The following KCND2 variants were observed in gnomAD, a reference collection of about 807,000 sequenced individuals.
KCND2 encodes the protein potassium voltage-gated channel subfamily D member 2.
KCND2 carries 16 observed loss-of-function variants against 54.4 expected under a neutral mutation model. The ratio of observed to expected loss-of-function variants is 0.29; its 90% CI spans 0.20 to 0.45. The LOEUF (loss-of-function observed/expected upper bound fraction) is 0.45, where lower values mean the gene tolerates loss of function less well. KCND2 is among the 20% of genes least tolerant of loss of function. The probability of loss-of-function intolerance (pLI) is 1.00; values close to 1 mark genes in which losing one functional copy is unlikely to be tolerated. For missense variants in KCND2, 486 were observed against 824.2 expected (o/e 0.59, Z 5.02); for synonymous variants, 317 against 310.7 (o/e 1.02, Z -0.21).
Position 120,747,874 on chromosome 7 carries a change from G to C in KCND2, c.*16G>C. On this transcript the variant is annotated 3_prime_UTR_variant, in exon 6 of 6. Coordinates refer to ENST00000331113, the MANE Select transcript of KCND2 (RefSeq NM_012281.3). ...TGCTTTGTAAGACAATTGGAATAAG[G>C]TCTAAGAGAATTCGAGCCCTGGCTG... is the stretch of plus-strand genomic sequence containing the variant. The C allele has an allele frequency of 6.3e-7, 1 of 1,596,202 alleles. No individual in the cohort carries two copies. Among genetic ancestry groups the C allele is most frequent in the African/African-American group, 1.3e-5 (1 of 74,538 alleles).
At chr7:120,557,256 C>G (rs1792177081) in intron 1 of KCND2, among the ~76,000 whole-genome samples, 1 of 151,976 alleles carries the variant, frequency 6.6e-6, no homozygotes, top group African/African-American at 2.4e-5. Flanking sequence ...GGTCTCTTAC[C>G]TTAAATATTT....
intron 1 of KCND2, among the ~76,000 whole-genome samples, chr7:120,401,188 C>A (rs1801247648): frequency 6.6e-6 from 1 of 152,114 alleles, no homozygotes; most frequent in South Asian, 2.1e-4. Flanking sequence ...AGCAAAAAAT[C>A]TAGGACAGAT....
At chr7:120,581,705 T>C (rs770272185) in intron 1 of KCND2, among the ~76,000 whole-genome samples, 2 of 116,224 alleles carry the variant, frequency 1.7e-5, no homozygotes, top group African/African-American at 6.6e-5. Context: ...AATCTAAAAT[T>C]GGTAGATCTT....
chr7:120,534,879 A>C (rs1791885974), intron 1 of KCND2, among the ~76,000 whole-genome samples: 1 of 152,148 alleles, frequency 6.6e-6, no homozygotes, highest in South Asian at 2.1e-4. Context: ...TGGAATGATA[A>C]AAGAAATAAT....
intron 1 of KCND2, among the ~76,000 whole-genome samples, chr7:120,489,212 T>C (rs1802738979): frequency 6.6e-6 from 1 of 152,060 alleles, no homozygotes; most frequent in Non-Finnish European, 1.5e-5. Flanking sequence ...AAAAAAAGCC[T>C]TGTATGTCTG....
At chr7:120,397,352 G>A (rs924732942) in intron 1 of KCND2, among the ~76,000 whole-genome samples, 7 of 151,898 alleles carry the variant, frequency 4.6e-5, no homozygotes, top group East Asian at 3.9e-4. Context: ...TTATCTGGTC[G>A]GTAGTTGATG....
At chr7:120,710,014 A>G (rs1792518395) in intron 1 of KCND2, among the ~76,000 whole-genome samples, 1 of 152,166 alleles carries the variant, frequency 6.6e-6, no homozygotes, top group South Asian at 2.1e-4. Flanking sequence ...AGACCATTAA[A>G]CCAAGCATGA....
chr7:120,353,133 CTTTTTTTTTTTT>C (rs72353278), intron 1 of KCND2, among the ~76,000 whole-genome samples: 1 of 91,794 alleles, frequency 1.1e-5, no homozygotes, highest in Non-Finnish European at 2.0e-5. Context: ...AATACTTTTA[CTTTTTTTTTTTT>C]TTTTTTTTTT....
chr7:120,428,438 G>A lies in KCND2; in HGVS notation c.1115+152691G>A, dbSNP rs117872335. Among the ~76,000 whole-genome samples, 1,124 of 152,296 alleles carry A rather than the reference G, an allele frequency of 7.4e-3. 11 individuals are homozygous for A. Among genetic ancestry groups the A allele is most frequent in the Non-Finnish European group, 0.01 (692 of 68,026 alleles). ...GACCAGAGTAGGAAATAAGCGTTAG[G>A]AGAAACAAGTGAAGAATGTTTCACT... On this transcript the variant is annotated intron_variant, in intron 1 of 5. Coordinates refer to ENST00000331113, the MANE Select transcript of KCND2 (RefSeq NM_012281.3).
At chr7:120,426,824 G>A (rs1298105304) in intron 1 of KCND2, among the ~76,000 whole-genome samples, 2 of 152,078 alleles carry the variant, frequency 1.3e-5, no homozygotes, top group African/African-American at 2.4e-5. Flanking sequence ...GGTTCACTGT[G>A]TTAGCCAGGA....
chr7:120,576,872 C>T (rs761344033), intron 1 of KCND2, among the ~76,000 whole-genome samples: 4 of 152,064 alleles, frequency 2.6e-5, no homozygotes, highest in African/African-American at 4.8e-5. Flanking sequence ...AGAGGCTGGG[C>T]GCGGTGGCTC....
At chr7:120,307,330 G>A (rs1799662522) in intron 1 of KCND2, among the ~76,000 whole-genome samples, 1 of 151,958 alleles carries the variant, frequency 6.6e-6, no homozygotes, top group Non-Finnish European at 1.5e-5. Context: ...TTAGAAAATA[G>A]CAAATGAGAG....
At chr7:120,493,526 GA>G (rs1420552330) in intron 1 of KCND2, among the ~76,000 whole-genome samples, 4 of 151,790 alleles carry the variant, frequency 2.6e-5, no homozygotes, top group Non-Finnish European at 5.9e-5. Flanking sequence ...AAATCCATAA[GA>G]AAAAAACAAC....
At chr7:120,288,754 T>C (rs1234023589) in intron 1 of KCND2, among the ~76,000 whole-genome samples, 2 of 152,066 alleles carry the variant, frequency 1.3e-5, no homozygotes, top group African/African-American at 2.4e-5. Context: ...TTTTTGAACA[T>C]CAGGTTTGGT....
chr7:120,674,244 AGAT>A (rs1291042338), intron 1 of KCND2, among the ~76,000 whole-genome samples: 3 of 152,090 alleles, frequency 2.0e-5, no homozygotes, highest in Non-Finnish European at 2.9e-5. Flanking sequence ...AAGTAAACAC[AGAT>A]GACATTTGTG....
At chr7:120,282,626 G>T (rs1799283493) in intron 1 of KCND2, among the ~76,000 whole-genome samples, 1 of 152,120 alleles carries the variant, frequency 6.6e-6, no homozygotes, top group Non-Finnish European at 1.5e-5. Context: ...AGAGTAGGAT[G>T]ACAGTTGAGA....
intron 1 of KCND2, among the ~76,000 whole-genome samples, chr7:120,690,305 C>T (rs1792253232): frequency 6.6e-6 from 1 of 152,106 alleles, no homozygotes; most frequent in Non-Finnish European, 1.5e-5. Context: ...TAAAGACATA[C>T]ATACATACAC....
rs190531860 is a variant in KCND2 at position 120,630,804 on chromosome 7, C to T, written c.1116-102099C>T. ...CATCTAAGTTGAAGTTTTGCATTTT[C>T]ATTTGTTTTTATGTTAATGTGAAAA... On this transcript the variant is annotated intron_variant, in intron 1 of 5. Transcript: ENST00000331113. 1.2e-3 allele frequency among the ~76,000 whole-genome samples: 186 copies of T among 152,226 alleles called. 2 individuals are homozygous for T. The highest frequency in any genetic ancestry group is 0.01 in the Middle Eastern group (3 of 294).
At chr7:120,340,521 A>G (rs991641957) in intron 1 of KCND2, among the ~76,000 whole-genome samples, 9 of 152,196 alleles carry the variant, frequency 5.9e-5, no homozygotes, top group Non-Finnish European at 1.0e-4. Flanking sequence ...TGACATCTCA[A>G]TGAAATGTCA....
Sources: gnomAD v4.1 joint callset for allele counts (sites outside exome capture counted in the v4.1 genomes callset) on GRCh38, gnomAD v4.1.1 for gene constraint, MANE v1.5 for transcripts, NCBI Gene and HGNC (gene_info 2026-07-23, HGNC 2026-07-21) for gene names.